Variants in MYLK observed in about 807,000 individuals in gnomAD.
The protein encoded by MYLK is myosin light chain kinase, smooth muscle.
In MYLK, 106 loss-of-function variants were observed where a neutral mutation model predicts 203.4. The observed-to-expected ratio is 0.52, with a 90% CI of 0.45 to 0.61. The LOEUF (loss-of-function observed/expected upper bound fraction) is 0.61, where lower values mean the gene tolerates loss of function less well. Ranked by LOEUF, MYLK falls within the 20% of genes least tolerant of loss-of-function variation. The pLI, the probability that MYLK is intolerant of heterozygous loss-of-function variation, is 0.00. For missense variants in MYLK, 2,072 were observed against 2,442.3 expected, an observed-to-expected ratio of 0.85 and a Z score of 3.20; for synonymous variants, 867 against 959.5, an observed-to-expected ratio of 0.90 and a Z score of 1.78.
chr3:123,699,130 C>T (rs7618069), intron 18 of MYLK, among the ~76,000 whole-genome samples: 5,328 of 152,140 alleles, frequency 0.035, 316 homozygotes, highest in African/African-American at 0.12. Context: ...CCTATCCCTC[C>T]GCTGGCTGCC....
chr3:123,710,945 T>C (rs764054762), intron 13 of MYLK, among the ~76,000 whole-genome samples: 16 of 152,052 alleles, frequency 1.1e-4, no homozygotes, highest in Non-Finnish European at 1.6e-4. Flanking sequence ...ACAATAATTA[T>C]GTTGAATGAA....
intron 4 of MYLK, among the ~76,000 whole-genome samples, chr3:123,780,335 G>T (rs1263986006): frequency 6.6e-6 from 1 of 152,184 alleles, no homozygotes; most frequent in Non-Finnish European, 1.5e-5. Context: ...TTGGGAGGGT[G>T]AGACAGGAGA....
At chr3:123,838,234 G>A (rs2682203) in intron 2 of MYLK, among the ~76,000 whole-genome samples, 128,082 of 152,152 alleles carry the variant, frequency 0.84, 54,124 homozygotes, top group East Asian at 0.96. Flanking sequence ...TGCAAACCCA[G>A]AAAACAACAA....
chr3:123,817,394 C>G (rs2065784465), intron 3 of MYLK, among the ~76,000 whole-genome samples: 1 of 152,184 alleles, frequency 6.6e-6, no homozygotes, highest in Non-Finnish European at 1.5e-5. Flanking sequence ...GCCACCACTC[C>G]TGTTTCTTAC....
rs2057290434 is a variant in MYLK, at chr3:123,613,094, G to A, written c.*1011C>T. The A allele has an allele frequency of 6.6e-6, 1 of 152,356 alleles. No homozygotes were observed. The highest frequency in any genetic ancestry group is 6.5e-5 in the Admixed American group (1 of 15,288). 9.4% of individuals were successfully genotyped at this position (152,356 alleles called of 1,614,324 possible). A position where few individuals can be genotyped will look rare whatever the true frequency, so the allele number is the denominator to read the frequency against. On this transcript the variant is annotated 3_prime_UTR_variant, in exon 34 of 34. Transcript: ENST00000360304. ...AGGTAGGTCAAGTTCTTTGGAGAGT[G>A]TTGAGAATGAAGATGTATTAAACTC...
At chr3:123,763,789 G>A (rs1015051487) in intron 4 of MYLK, among the ~76,000 whole-genome samples, 1 of 152,076 alleles carries the variant, frequency 6.6e-6, no homozygotes, top group African/African-American at 2.4e-5. Context: ...ACTTGGTGTG[G>A]GTCTTTGTTC....
At chr3:123,699,889 T>A in intron 18 of MYLK, 131 bp downstream of exon 18, 1 of 1,237,064 alleles carries the variant, frequency 8.1e-7, no homozygotes, top group South Asian at 1.4e-5. Flanking sequence ...CAGCAGGCCC[T>A]CCTACCTGCT....
chr3:123,836,172 C>T (rs1304350282), intron 2 of MYLK, among the ~76,000 whole-genome samples: 2 of 152,130 alleles, frequency 1.3e-5, no homozygotes, highest in East Asian at 3.9e-4. Flanking sequence ...ACTATTAATC[C>T]ACCTTTTGTC....
chr3:123,638,906 T>G, intron 28 of MYLK: 1 of 985,428 alleles, frequency 1.0e-6, no homozygotes, highest in Non-Finnish European at 1.2e-6. Context: ...CTATGCCTGG[T>G]CTTGCTTAAC....
At chr3:123,641,774 TCTTCCCTCCCTCCCTTCCTCC>T (rs2058844251) in intron 27 of MYLK, among the ~76,000 whole-genome samples, 1 of 117,476 alleles carries the variant, frequency 8.5e-6, no homozygotes, top group African/African-American at 3.5e-5. Flanking sequence ...TCCCTCCCTC[TCTTCCCTCCCTCCCTTCCTCC>T]CTTCCCTCCC....
rs1553788596 is a variant in MYLK at position 123,666,266 on chromosome 3, T to C, written c.3784A>G (p.Thr1262Ala). ...GTACAGGTGATGGGCTGAGTGCCTG[T>C]CACTTTGCCAAACAGCTCCACTGAC... is the stretch of plus-strand genomic sequence containing the variant. ...GESVELFGKV[T>A]GTQPITCTWM... The change falls in exon 22 of 34, where the codon ACA becomes GCA. Residue 1262 changes from threonine to alanine, a missense_variant. Physicochemically the swap from Thr to Ala is moderately conservative, Grantham distance 58 (BLOSUM62 0). Transcript: ENST00000360304. The C allele has an allele frequency of 1.2e-6, 2 of 1,614,212 alleles. No homozygotes were observed. Among genetic ancestry groups the C allele is most frequent in the Non-Finnish European group, 1.7e-6 (2 of 1,180,038 alleles).
chr3:123,632,655 A>G (rs80017582), intron 29 of MYLK, among the ~76,000 whole-genome samples: 5,704 of 152,260 alleles, frequency 0.037, 126 homozygotes, highest in South Asian at 0.078. Flanking sequence ...GGAATAAAAA[A>G]TATAATACAT....
At chr3:123,794,260 A>C (rs1010590266) in intron 3 of MYLK, among the ~76,000 whole-genome samples, 19 of 152,372 alleles carry the variant, frequency 1.2e-4, no homozygotes, top group African/African-American at 3.6e-4. Flanking sequence ...TTCTGGCAGA[A>C]AGTAGAAACT....
chr3:123,778,017 G>T (rs1201348618), intron 4 of MYLK, among the ~76,000 whole-genome samples: 1 of 151,998 alleles, frequency 6.6e-6, no homozygotes, highest in African/African-American at 2.4e-5. Context: ...TCTTACCCCA[G>T]GTTTATTATT....
At chr3:123,735,198 C>T (rs367681332) in intron 9 of MYLK, 200 bp downstream of exon 9, 42 of 707,480 alleles carry the variant, frequency 5.9e-5, no homozygotes, top group East Asian at 3.6e-4. Flanking sequence ...AGTCTCAATA[C>T]TGACAGCAAC....
At position 123,737,451 on chromosome 3, in the gene MYLK, G is replaced by A. The variant is rs768879568; in HGVS notation, c.681C>T (p.Asp227=). ...CCACCAGGCACGTGTACACTCCCAC[G>A]TCATCTTGGTTGACTCCATGGATTT... ...VLEIHGVNQD[D]VGVYTCLVVN... The change falls in exon 8 of 34, where the codon GAC becomes GAT. Residue 227 remains aspartate, a synonymous_variant. Coordinates refer to ENST00000360304, the MANE Select transcript of MYLK (RefSeq NM_053025.4). 2.7e-5 allele frequency: 44 copies of A among 1,614,062 alleles called. No homozygotes were observed. Among genetic ancestry groups the A allele is most frequent in the South Asian group, 2.3e-4 (21 of 91,074 alleles).
At chr3:123,881,566 GAAAGATACT>G (rs1175539928) in intron 1 of MYLK, among the ~76,000 whole-genome samples, 1 of 151,986 alleles carries the variant, frequency 6.6e-6, no homozygotes, top group African/African-American at 2.4e-5. Flanking sequence ...ATTGTTCTCA[GAAAGATACT>G]AAATAAGACA....
chr3:123,638,688 G>GGA (rs2058731328), intron 28 of MYLK: 1 of 915,144 alleles, frequency 1.1e-6, no homozygotes, highest in Non-Finnish European at 1.3e-6. Flanking sequence ...GTGGTGGTCG[G>GGA]GACTCAAGCC....
intron 30 of MYLK, 104 bp from the exon 31 acceptor site, chr3:123,627,045 A>T: frequency 7.5e-7 from 1 of 1,334,666 alleles, no homozygotes. Flanking sequence ...ATGAGGGCAG[A>T]GCCCAGGGCC....
Sources: allele counts gnomAD v4.1 joint callset (sites outside exome capture counted in the v4.1 genomes callset), GRCh38; gene constraint gnomAD v4.1.1; transcripts MANE v1.5; gene names NCBI Gene and HGNC (gene_info 2026-07-23, HGNC 2026-07-21).